DIP2C: variants seen among roughly 807,000 people sequenced by gnomAD.
DIP2C encodes DIP2 acetate--CoA ligase C (putative), also known as disco-interacting protein 2 homolog C.
DIP2C carries 33 observed loss-of-function variants against 192.4 expected under a neutral mutation model. The observed-to-expected ratio is 0.17, with a 90% CI of 0.13 to 0.23. The LOEUF is 0.23. Among genes scored for constraint, DIP2C ranks in the 10% least tolerant of loss-of-function variants. The probability of loss-of-function intolerance (pLI) is 1.00; values close to 1 mark genes in which losing one functional copy is unlikely to be tolerated. For missense variants in DIP2C, 1,537 were observed against 2,110.1 expected, an observed-to-expected ratio of 0.73 and a Z score of 5.32; for synonymous variants, 979 against 864.1, an observed-to-expected ratio of 1.13 and a Z score of -2.33.
intron 1 of DIP2C, among the ~76,000 whole-genome samples, chr10:596,835 C>T (rs756372009): frequency 2.0e-5 from 3 of 152,160 alleles, no homozygotes; most frequent in Non-Finnish European, 4.4e-5. Context: ...CCACCACTGC[C>T]CAGGACAAAG....
chr10:485,502 C>CA (rs1256688532), intron 2 of DIP2C, among the ~76,000 whole-genome samples: 3 of 152,182 alleles, frequency 2.0e-5, no homozygotes, highest in Admixed American at 2.0e-4. Flanking sequence ...ATCACTGTCT[C>CA]AAAAATCAAG....
intron 1 of DIP2C, among the ~76,000 whole-genome samples, chr10:679,508 G>T (rs1246149540): frequency 2.2e-4 from 1 of 4,474 alleles, no homozygotes; most frequent in African/African-American, 3.6e-4. Context: ...CCACACCCGT[G>T]CTCCCCACGC....
chr10:588,264 TGACCCTCCG>T (rs1851196054), intron 1 of DIP2C, among the ~76,000 whole-genome samples: 1 of 151,678 alleles, frequency 6.6e-6, no homozygotes, highest in East Asian at 1.9e-4. Context: ...GCTTCAGCCC[TGACCCTCCG>T]GAAACCCCAC....
At chr10:369,936 C>T (rs2132786545) in intron 17 of DIP2C, 2 of 984,604 alleles carry the variant, frequency 2.0e-6, no homozygotes, top group Non-Finnish European at 2.4e-6. Context: ...GCTCTCTCTC[C>T]CCTCCCTCCA....
intron 13 of DIP2C, among the ~76,000 whole-genome samples, chr10:388,767 T>C (rs1407218952): frequency 6.6e-6 from 1 of 152,182 alleles, no homozygotes; most frequent in Non-Finnish European, 1.5e-5. Flanking sequence ...AGTGTTTCAT[T>C]CCACAGCGGA....
At position 309,233 on chromosome 10, in the gene DIP2C, T is replaced by C. The variant is rs557296785; in HGVS notation, c.3986+798A>G. 2.0e-5 allele frequency among the ~76,000 whole-genome samples: 3 copies of C among 152,150 alleles called. No homozygotes were observed. The South Asian group carries it at 6.3e-4, about 32-fold the overall frequency. On this transcript the variant is annotated intron_variant, in intron 32 of 36. Transcript: ENST00000280886. ...GCGGGCAGAGATTCCTCTAAAGGGCTTCTCATCCTGCTCAACCCCATGCCT... is the reference window on the plus strand; with the variant it reads ...GCGGGCAGAGATTCCTCTAAAGGGCCTCTCATCCTGCTCAACCCCATGCCT...
rs116648785 is a variant in DIP2C at position 352,483 on chromosome 10, A to G, written c.2986-3029T>C. Among the ~76,000 whole-genome samples, 860 of 152,314 alleles carry G rather than the reference A, an allele frequency of 5.6e-3. 9 individuals carry two copies. Among genetic ancestry groups the G allele is most frequent in the African/African-American group, 0.019 (797 of 41,570 alleles). Reference sequence around the variant, plus strand: ...GTGCCCTTCTCAGGTGTTAGGTCCCAAAGCCAGCTCACAGGGTGATTTAAA... The same window carrying G: ...GTGCCCTTCTCAGGTGTTAGGTCCCGAAGCCAGCTCACAGGGTGATTTAAA... On this transcript the variant is annotated intron_variant, in intron 24 of 36. Coordinates refer to ENST00000280886, the MANE Select transcript of DIP2C (RefSeq NM_014974.3).
Position 387,655 on chromosome 10 carries a change from C to G in DIP2C, c.1662+90G>C. 3 of 1,063,740 alleles carry G rather than the reference C, an allele frequency of 2.8e-6. No homozygotes were observed. In the South Asian group the frequency reaches 3.8e-5, roughly 13 times the overall value. The allele number at this position is 1,063,740 out of a possible 1,614,324, so 65.9% of individuals were successfully genotyped here. On this transcript the variant is annotated intron_variant, in intron 14 of 36. Coordinates refer to ENST00000280886, the MANE Select transcript of DIP2C (RefSeq NM_014974.3). ...GGGAGGGGACTCCTGTGTGGACAGA[C>G]AGTATGGGGAGGGGGACTCCTGTGT...
At chr10:601,708 C>A (rs1051826214) in intron 1 of DIP2C, among the ~76,000 whole-genome samples, 2 of 152,238 alleles carry the variant, frequency 1.3e-5, no homozygotes, top group Non-Finnish European at 1.5e-5. Flanking sequence ...ACTGCCCTGA[C>A]TGCAGGCCTG....
At chr10:311,568 T>TAC in intron 31 of DIP2C, 1 of 1,231,908 alleles carries the variant, frequency 8.1e-7, no homozygotes, top group Non-Finnish European at 1.0e-6. Flanking sequence ...CCTGTGAGGC[T>TAC]ACAGCAGCAG....
rs182151371 is a variant in DIP2C at position 480,353 on chromosome 10, C to T, written c.157+6106G>A. Among the ~76,000 whole-genome samples, 315 of 150,958 alleles carry T rather than the reference C, an allele frequency of 2.1e-3. 4 individuals carry two copies. Among genetic ancestry groups the T allele is most frequent in the African/African-American group, 6.8e-3 (278 of 40,946 alleles). On this transcript the variant is annotated intron_variant, in intron 2 of 36. Coordinates refer to ENST00000280886, the MANE Select transcript of DIP2C (RefSeq NM_014974.3). ...CTCACTGGATGAGGGTCTCATCCACCAGCCTGAGCTCCGGTCCATGCTCAC... is the reference window on the plus strand; with the variant it reads ...CTCACTGGATGAGGGTCTCATCCACTAGCCTGAGCTCCGGTCCATGCTCAC...
chr10:281,502 C>T (rs1954817512), intron 35 of DIP2C, among the ~76,000 whole-genome samples, 179 bp from the exon 36 acceptor site: 1 of 152,268 alleles, frequency 6.6e-6, no homozygotes, highest in Non-Finnish European at 1.5e-5. Flanking sequence ...AAGTGCTCGG[C>T]TCGTGTGCCA....
intron 32 of DIP2C, among the ~76,000 whole-genome samples, chr10:300,845 G>A (rs1208726172): frequency 6.6e-6 from 1 of 151,886 alleles, no homozygotes; most frequent in Non-Finnish European, 1.5e-5. Flanking sequence ...ATCCAGGGGC[G>A]GCCCTGAGCG....
At chr10:614,429 G>A (rs573774651) in intron 1 of DIP2C, among the ~76,000 whole-genome samples, 3 of 152,332 alleles carry the variant, frequency 2.0e-5, no homozygotes, top group East Asian at 1.9e-4. Flanking sequence ...GGTGGGATCC[G>A]TCTCGGCCTG....
rs1324733291 is a variant in DIP2C, at chr10:390,252, A to C, written c.1494+12T>G. 12 of 1,613,298 alleles carry C rather than the reference A, an allele frequency of 7.4e-6. No individual in the cohort carries two copies. Among genetic ancestry groups the C allele is most frequent in the Non-Finnish European group, 7.6e-6 (9 of 1,179,476 alleles). ...CACTCAGGGCCAGTGGAGGAGGCCA[A>C]GGCTGACTCACCTCAATATACGCAG... On this transcript the variant is annotated intron_variant, in intron 12 of 36. Transcript: ENST00000280886.
intron 1 of DIP2C, among the ~76,000 whole-genome samples, chr10:604,938 T>C (rs539559493): frequency 2.0e-5 from 3 of 152,290 alleles, no homozygotes; most frequent in South Asian, 2.1e-4. Context: ...CACCAGCCTC[T>C]GATAAAACTC....
intron 1 of DIP2C, among the ~76,000 whole-genome samples, chr10:592,317 C>G (rs548817096): frequency 6.6e-6 from 1 of 152,106 alleles, no homozygotes; most frequent in Non-Finnish European, 1.5e-5. Context: ...CATGTTGCCT[C>G]CGTAGCAGCG....
At chr10:324,037 C>T (rs527448019) in intron 31 of DIP2C, among the ~76,000 whole-genome samples, 1 of 152,304 alleles carries the variant, frequency 6.6e-6, no homozygotes, top group East Asian at 1.9e-4. Flanking sequence ...CTCGCCCGCA[C>T]GACTCCGCCC....
At chr10:414,518 T>C (rs1438286474) in intron 7 of DIP2C, among the ~76,000 whole-genome samples, 2 of 151,992 alleles carry the variant, frequency 1.3e-5, no homozygotes, top group East Asian at 1.9e-4. Context: ...TAATGATAAA[T>C]ATATTTTCTG....
Sources: gnomAD v4.1 joint callset for allele counts (sites outside exome capture counted in the v4.1 genomes callset) on GRCh38, gnomAD v4.1.1 for gene constraint, MANE v1.5 for transcripts, NCBI Gene and HGNC (gene_info 2026-07-23, HGNC 2026-07-21) for gene names.